Variants in RARB observed in about 807,000 individuals in gnomAD.
RARB encodes the protein HBV-activated protein.
In RARB, 17 loss-of-function variants were observed where a neutral mutation model predicts 51.9. The ratio of observed to expected loss-of-function variants is 0.33; its 90% CI spans 0.22 to 0.49. The LOEUF is 0.49. Among genes scored for constraint, RARB ranks in the 20% least tolerant of loss-of-function variants. The pLI, the probability that RARB is intolerant of heterozygous loss-of-function variation, is 0.99. For missense variants in RARB, 369 were observed against 550.8 expected, an observed-to-expected ratio of 0.67 and a Z score of 3.30; for synonymous variants, 215 against 195.4, an observed-to-expected ratio of 1.10 and a Z score of -0.84.
chr3:25,501,465 G>A, intron 3 of RARB, 142 bp downstream of exon 3: 1 of 1,013,750 alleles, frequency 9.9e-7, no homozygotes, highest in Non-Finnish European at 1.4e-6. Context: ...ATGAAAATGG[G>A]GATTGATATG....
chr3:25,363,633 C>A (rs896999161), intron 5 of RARB, among the ~76,000 whole-genome samples: 2 of 152,184 alleles, frequency 1.3e-5, no homozygotes, highest in Non-Finnish European at 2.9e-5. Context: ...TCCAAGCCAC[C>A]ATTGCTTCTC....
At chr3:24,994,899 T>C (rs1575110412) in intron 2 of RARB, among the ~76,000 whole-genome samples, 1 of 152,006 alleles carries the variant, frequency 6.6e-6, no homozygotes, top group East Asian at 1.9e-4. Flanking sequence ...ACTACAGTGT[T>C]GTATAGTTTG....
At chr3:25,072,210 A>G (rs1698781005) in intron 3 of RARB, among the ~76,000 whole-genome samples, 1 of 152,238 alleles carries the variant, frequency 6.6e-6, no homozygotes, top group Non-Finnish European at 1.5e-5. Context: ...AAAAATTAGG[A>G]AAATAAGTTT....
At chr3:24,984,565 A>G (rs765548246) in intron 2 of RARB, among the ~76,000 whole-genome samples, 3 of 152,246 alleles carry the variant, frequency 2.0e-5, no homozygotes, top group South Asian at 2.1e-4. Flanking sequence ...CACAGAGAGT[A>G]GAAGTTACCA....
chr3:25,125,110 C>T (rs751783968), intron 3 of RARB, among the ~76,000 whole-genome samples: 1 of 152,088 alleles, frequency 6.6e-6, no homozygotes, highest in African/African-American at 2.4e-5. Context: ...AAGTGGGAGG[C>T]CTCAAAAAAT....
intron 5 of RARB, among the ~76,000 whole-genome samples, chr3:25,266,623 C>T (rs1401605091): frequency 3.9e-5 from 6 of 152,168 alleles, no homozygotes; most frequent in Admixed American, 3.3e-4. Flanking sequence ...AACCGTGTCC[C>T]TGCAAAATTC....
At chr3:25,281,822 A>G (rs756987706) in intron 5 of RARB, among the ~76,000 whole-genome samples, 22 of 152,188 alleles carry the variant, frequency 1.4e-4, no homozygotes, top group Non-Finnish European at 2.2e-4. Context: ...TTATCCCCCG[A>G]CATATCCAGC....
chr3:25,131,020 TTA>T (rs1284063780), intron 3 of RARB, among the ~76,000 whole-genome samples: 1 of 146,910 alleles, frequency 6.8e-6, no homozygotes, highest in African/African-American at 2.6e-5. Flanking sequence ...ATCAATGAAA[TTA>T]TATATTTTAT....
intron 3 of RARB, among the ~76,000 whole-genome samples, chr3:25,519,955 C>T (rs1016162798): frequency 1.3e-5 from 2 of 152,160 alleles, no homozygotes; most frequent in Non-Finnish European, 2.9e-5. Context: ...CTGAAGATAA[C>T]ATCCATATTC....
chr3:24,832,507 A>T (rs1440599046), intron 1 of RARB, among the ~76,000 whole-genome samples: 1 of 151,722 alleles, frequency 6.6e-6, no homozygotes, highest in Non-Finnish European at 1.5e-5. Context: ...TTATTTGTTT[A>T]TTCATTTATG....
chr3:24,883,069 T>C (rs1703200011), intron 2 of RARB, among the ~76,000 whole-genome samples: 1 of 152,172 alleles, frequency 6.6e-6, no homozygotes, highest in African/African-American at 2.4e-5. Flanking sequence ...CCTTTCTCCT[T>C]GTGACATTCA....
chr3:25,417,871 A>G (rs1452286023), intron 5 of RARB, among the ~76,000 whole-genome samples: 1 of 152,178 alleles, frequency 6.6e-6, no homozygotes, highest in Non-Finnish European at 1.5e-5. Context: ...CTCTCACATA[A>G]TAGTCTAGAG....
At chr3:25,334,620 T>A (rs1366615590) in intron 5 of RARB, among the ~76,000 whole-genome samples, 2 of 152,118 alleles carry the variant, frequency 1.3e-5, no homozygotes, top group Non-Finnish European at 2.9e-5. Context: ...GTGGCACATG[T>A]ATACATATGT....
At chr3:25,404,328 A>G (rs1707347330) in intron 5 of RARB, among the ~76,000 whole-genome samples, 1 of 152,110 alleles carries the variant, frequency 6.6e-6, no homozygotes, top group East Asian at 1.9e-4. Flanking sequence ...ACTGGACTGG[A>G]GTGCTGTGTA....
intron 1 of RARB, among the ~76,000 whole-genome samples, chr3:24,834,738 G>C (rs1702320434): frequency 6.6e-6 from 1 of 152,176 alleles, no homozygotes; most frequent in African/African-American, 2.4e-5. Flanking sequence ...TCTAGGGATA[G>C]AAGCAGTTTT....
intron 5 of RARB, among the ~76,000 whole-genome samples, chr3:25,361,128 G>T (rs1575342017): frequency 6.6e-6 from 1 of 152,082 alleles, no homozygotes. Context: ...TCAAACGTAG[G>T]TTTGGTCTTT....
chr3:25,048,389 A>G (rs1698258542), intron 2 of RARB, among the ~76,000 whole-genome samples: 1 of 152,188 alleles, frequency 6.6e-6, no homozygotes, highest in Admixed American at 6.5e-5. Flanking sequence ...CCAATATATG[A>G]TATCTTAATT....
At chr3:24,843,900 T>TACACACACACACAC (rs71057685) in intron 1 of RARB, among the ~76,000 whole-genome samples, 19 of 145,144 alleles carry the variant, frequency 1.3e-4, no homozygotes, top group Admixed American at 4.2e-4. Context: ...GATTTGAGGG[T>TACACACACACACAC]ACACACACAC....
chr3:24,952,855 C>A (rs1695927294), intron 2 of RARB, among the ~76,000 whole-genome samples: 1 of 151,360 alleles, frequency 6.6e-6, no homozygotes, highest in Admixed American at 6.6e-5. Flanking sequence ...AAGGTAACAA[C>A]CCCCAACAGT....
Sources: allele counts gnomAD v4.1 joint callset (sites outside exome capture counted in the v4.1 genomes callset), GRCh38; gene constraint gnomAD v4.1.1; transcripts MANE v1.5; gene names NCBI Gene and HGNC (gene_info 2026-07-23, HGNC 2026-07-21).